The following ERBB4 variants were observed in gnomAD, a reference collection of about 807,000 sequenced individuals.
ERBB4 encodes erb-b2 receptor tyrosine kinase 4.
ERBB4 carries 42 observed loss-of-function variants against 158.0 expected under a neutral mutation model. That is an observed-to-expected ratio of 0.27 (90% CI 0.21 to 0.34). ERBB4 has a LOEUF of 0.34. ERBB4 is among the 10% of genes least tolerant of loss of function. The pLI, the probability that ERBB4 is intolerant of heterozygous loss-of-function variation, is 1.00. For missense variants in ERBB4, 1,333 were observed against 1,624.1 expected, an observed-to-expected ratio of 0.82 and a Z score of 3.08; for synonymous variants, 583 against 558.7, an observed-to-expected ratio of 1.04 and a Z score of -0.61.
intron 3 of ERBB4, among the ~76,000 whole-genome samples, chr2:211,910,912 G>T (rs2079525910): frequency 1.3e-5 from 2 of 152,188 alleles, no homozygotes; most frequent in Admixed American, 1.3e-4. Context: ...TCAAAATAAT[G>T]TGACTATATT....
intron 4 of ERBB4, among the ~76,000 whole-genome samples, chr2:211,759,718 T>C (rs1011879835): frequency 7.3e-5 from 11 of 151,514 alleles, no homozygotes; most frequent in South Asian, 2.1e-4. Flanking sequence ...CTAATAGATG[T>C]TCAAATTGGA....
Position 211,883,679 on chromosome 2 carries a change from G to C in ERBB4, c.421+63751C>G, listed in dbSNP as rs576961392. ...TGGGCACCTATAATCCCAGGTACTTGGGAGGCAGAGGCTGAGGCAAGAGAA... is the reference window on the plus strand; with the variant it reads ...TGGGCACCTATAATCCCAGGTACTTCGGAGGCAGAGGCTGAGGCAAGAGAA... On this transcript the variant is annotated intron_variant, in intron 3 of 27. Coordinates refer to ENST00000342788, the MANE Select transcript of ERBB4 (RefSeq NM_005235.3). Among the ~76,000 whole-genome samples the C allele has an allele frequency of 2.6e-4, 40 of 152,142 alleles. No homozygotes were observed. In the South Asian group the frequency reaches 8.1e-3, roughly 31 times the overall value.
At chr2:211,982,563 C>G (rs560382408) in intron 2 of ERBB4, among the ~76,000 whole-genome samples, 1 of 152,254 alleles carries the variant, frequency 6.6e-6, no homozygotes, top group East Asian at 1.9e-4. Context: ...ACCGCACAGC[C>G]TTGCAAGCCA....
At chr2:211,893,173 C>T (rs2125010717) in intron 3 of ERBB4, among the ~76,000 whole-genome samples, 1 of 145,468 alleles carries the variant, frequency 6.9e-6, no homozygotes, top group Non-Finnish European at 1.5e-5. Context: ...TACAAGGCTA[C>T]AGTAACCAAA....
chr2:211,488,881 C>T (rs2065271285), intron 20 of ERBB4, among the ~76,000 whole-genome samples: 1 of 152,048 alleles, frequency 6.6e-6, no homozygotes, highest in Non-Finnish European at 1.5e-5. Flanking sequence ...TTCTCCCATT[C>T]CATTCCAACT....
intron 1 of ERBB4, among the ~76,000 whole-genome samples, chr2:212,418,764 T>C (rs757784802): frequency 4.0e-5 from 6 of 151,768 alleles, no homozygotes; most frequent in Non-Finnish European, 7.4e-5. Context: ...TTAAAAGGCA[T>C]AAATGATTTA....
chr2:212,038,433 C>A (rs910242252), intron 2 of ERBB4, among the ~76,000 whole-genome samples: 2 of 152,094 alleles, frequency 1.3e-5, no homozygotes, highest in African/African-American at 4.8e-5. Flanking sequence ...CTGCACTCTA[C>A]CTTTACTGAG....
intron 3 of ERBB4, among the ~76,000 whole-genome samples, chr2:211,892,662 C>A (rs1195907419): frequency 6.9e-6 from 1 of 145,548 alleles, no homozygotes; most frequent in African/African-American, 2.7e-5. Flanking sequence ...TAGAAAACCC[C>A]ATTGTTTCAG....
chr2:212,452,002 T>C (rs1471501307), intron 1 of ERBB4, among the ~76,000 whole-genome samples: 1 of 150,086 alleles, frequency 6.7e-6, no homozygotes, highest in Non-Finnish European at 1.5e-5. Context: ...GGCTTGTGAG[T>C]GTGCAGGTTT....
chr2:212,508,302 A>G (rs114549065), intron 1 of ERBB4, among the ~76,000 whole-genome samples: 2 of 152,172 alleles, frequency 1.3e-5, no homozygotes, highest in East Asian at 3.8e-4. Flanking sequence ...AATCTGCAAT[A>G]TCTCTTAGGT....
chr2:212,444,476 G>A (rs1277440061), intron 1 of ERBB4, among the ~76,000 whole-genome samples: 2 of 152,178 alleles, frequency 1.3e-5, no homozygotes, highest in African/African-American at 2.4e-5. Context: ...CTGGGGAAGA[G>A]GTATGTGGGT....
At chr2:211,924,378 A>G (rs1405753794) in intron 3 of ERBB4, among the ~76,000 whole-genome samples, 2 of 152,144 alleles carry the variant, frequency 1.3e-5, no homozygotes, top group Admixed American at 6.5e-5. Flanking sequence ...AATGAACACT[A>G]TTTGGGTGAT....
At chr2:211,984,991 G>A (rs556297138) in intron 2 of ERBB4, among the ~76,000 whole-genome samples, 6 of 152,128 alleles carry the variant, frequency 3.9e-5, no homozygotes, top group South Asian at 2.1e-4. Flanking sequence ...CTCGGCCCAC[G>A]GCGCCTGGCC....
intron 1 of ERBB4, among the ~76,000 whole-genome samples, chr2:212,382,817 CA>C (rs2106415562): frequency 1.3e-5 from 2 of 151,202 alleles, no homozygotes; most frequent in South Asian, 4.2e-4. Context: ...AGAAGTTAAA[CA>C]ATTTATCATG....
At chr2:211,508,942 C>CA (rs1251868559) in intron 20 of ERBB4, among the ~76,000 whole-genome samples, 2,292 of 130,542 alleles carry the variant, frequency 0.018, 49 homozygotes, top group African/African-American at 0.059. Flanking sequence ...AACAAACAAA[C>CA]AAAAAAACAA....
At chr2:211,710,101 G>A (rs1291518086) in intron 9 of ERBB4, among the ~76,000 whole-genome samples, 1 of 151,822 alleles carries the variant, frequency 6.6e-6, no homozygotes, top group African/African-American at 2.4e-5. Flanking sequence ...ATATATTTAG[G>A]TTACATTATC....
In ERBB4 at chr2:211,760,226, A is replaced by G. The variant is rs1575107282; in HGVS notation, c.557-9522T>C. ...CTGAAATAGATGAGGGGATTTGTAG[A>G]TGACTGGCACATGTATCAGAACATT... On this transcript the variant is annotated intron_variant, in intron 4 of 27. Coordinates refer to ENST00000342788, the MANE Select transcript of ERBB4 (RefSeq NM_005235.3). 2.0e-5 allele frequency among the ~76,000 whole-genome samples: 3 copies of G among 152,332 alleles called. No homozygotes were observed. In the South Asian group the frequency reaches 6.2e-4, roughly 32 times the overall value.
At chr2:212,063,788 T>C (rs142900031) in intron 2 of ERBB4, among the ~76,000 whole-genome samples, 30 of 152,284 alleles carry the variant, frequency 2.0e-4, no homozygotes, top group Non-Finnish European at 2.8e-4. Flanking sequence ...CATACAATCA[T>C]AGGGGTTAAA....
At chr2:211,646,157 C>G (rs1268521219) in intron 16 of ERBB4, among the ~76,000 whole-genome samples, 1 of 151,148 alleles carries the variant, frequency 6.6e-6, no homozygotes, top group Non-Finnish European at 1.5e-5. Flanking sequence ...AAAGAAAAAC[C>G]CTTATTATCG....
Sources: gnomAD v4.1 joint callset for allele counts (sites outside exome capture counted in the v4.1 genomes callset) on GRCh38, gnomAD v4.1.1 for gene constraint, MANE v1.5 for transcripts, NCBI Gene and HGNC (gene_info 2026-07-23, HGNC 2026-07-21) for gene names.